Variants in DDX19A observed in about 807,000 individuals in gnomAD.
DDX19A encodes ATP-dependent RNA helicase DDX19A.
A neutral mutation model predicts 60.6 loss-of-function variants in DDX19A; 12 were observed. That is an observed-to-expected ratio of 0.20 (90% CI 0.13 to 0.32). The LOEUF is 0.32. Ranked by LOEUF, DDX19A falls within the 10% of genes least tolerant of loss-of-function variation. The pLI is 1.00. For synonymous variants in DDX19A, 206 were observed against 218.2 expected (o/e 0.94, Z 0.49); for missense variants, 337 against 600.6 (o/e 0.56, Z 4.59).
intron 2 of DDX19A, among the ~76,000 whole-genome samples, chr16:70,351,679 C>T (rs1964023266): frequency 6.6e-6 from 1 of 151,784 alleles, no homozygotes; most frequent in Admixed American, 6.6e-5. Flanking sequence ...CGCCCGCCAC[C>T]ATGCCCAGCT....
chr16:70,352,810 G>T (rs939074670), intron 2 of DDX19A, among the ~76,000 whole-genome samples: 9 of 151,076 alleles, frequency 6.0e-5, no homozygotes, highest in African/African-American at 1.5e-4. Flanking sequence ...CTAATTTTGT[G>T]TTTTTTTAGT....
chr16:70,369,601 C>CT (rs895324026), intron 9 of DDX19A, among the ~76,000 whole-genome samples: 18 of 142,518 alleles, frequency 1.3e-4, no homozygotes, highest in South Asian at 4.6e-4. Flanking sequence ...TATAAATTTT[C>CT]TTTTTTTTTT....
intron 5 of DDX19A, among the ~76,000 whole-genome samples, chr16:70,362,609 A>G (rs1964399733): frequency 6.6e-6 from 1 of 152,034 alleles, no homozygotes; most frequent in South Asian, 2.1e-4. Context: ...ACAGGGTCTC[A>G]TTCTGTTTCC....
intron 3 of DDX19A, 196 bp downstream of exon 3, chr16:70,355,731 G>T: frequency 3.3e-6 from 2 of 601,964 alleles, no homozygotes; most frequent in South Asian, 4.0e-5. Context: ...GGAGGCCGAG[G>T]TGGGAGGATT....
chr16:70,352,387 C>T (rs1964043759), intron 2 of DDX19A, among the ~76,000 whole-genome samples: 2 of 150,732 alleles, frequency 1.3e-5, no homozygotes, highest in South Asian at 4.2e-4. Flanking sequence ...CGGGTTCAAG[C>T]GATTCTCCTG....
intron 2 of DDX19A, among the ~76,000 whole-genome samples, chr16:70,353,226 T>G (rs1165791286): frequency 7.2e-5 from 11 of 151,882 alleles, no homozygotes. Flanking sequence ...GCAATTCTTC[T>G]GTCTCTGCAT....
At chr16:70,370,179 T>C (rs149127218) in intron 9 of DDX19A, 44 bp from the exon 10 acceptor site, 7 of 1,587,224 alleles carry the variant, frequency 4.4e-6, no homozygotes, top group African/African-American at 4.1e-5. Context: ...AGAAAAAATA[T>C]ATACTCAAAT....
chr16:70,348,912 C>A (rs1963932562), intron 1 of DDX19A, among the ~76,000 whole-genome samples: 1 of 152,032 alleles, frequency 6.6e-6, no homozygotes, highest in Non-Finnish European at 1.5e-5. Context: ...CACCACTGCA[C>A]TCCAGCATGG....
At chr16:70,359,281 G>A (rs1057379551) in intron 4 of DDX19A, among the ~76,000 whole-genome samples, 1 of 152,178 alleles carries the variant, frequency 6.6e-6, no homozygotes, top group African/African-American at 2.4e-5. Flanking sequence ...CAAGTCAGAA[G>A]CTGCCGAGTG....
intron 9 of DDX19A, among the ~76,000 whole-genome samples, chr16:70,367,570 C>G (rs976707072): frequency 2.0e-5 from 3 of 151,352 alleles, no homozygotes; most frequent in Admixed American, 6.6e-5. Flanking sequence ...AAGAAAATGT[C>G]AAAATGATTT....
chr16:70,356,745 C>T (rs1567651579), intron 4 of DDX19A: 2 of 419,924 alleles, frequency 4.8e-6, no homozygotes, highest in Non-Finnish European at 7.6e-6. Context: ...ATTAATCTCC[C>T]ACCCTTGTGT....
At chr16:70,371,273 C>G (rs983688894) in intron 10 of DDX19A, 99 bp from the exon 11 acceptor site, 10 of 1,607,054 alleles carry the variant, frequency 6.2e-6, no homozygotes, top group Non-Finnish European at 8.5e-6. Context: ...AATTCTTTCC[C>G]TCTATCCCAA....
chr16:70,362,422 A>C (rs1263621777), intron 5 of DDX19A, among the ~76,000 whole-genome samples: 1 of 148,064 alleles, frequency 6.8e-6, no homozygotes, highest in Non-Finnish European at 1.5e-5. Context: ...AAAAACAAAC[A>C]AAATATTATT....
At chr16:70,370,441 T>C in intron 10 of DDX19A, 56 bp downstream of exon 10, 1 of 1,579,192 alleles carries the variant, frequency 6.3e-7, no homozygotes, top group Non-Finnish European at 8.6e-7. Context: ...CAGGCCCAAT[T>C]AGAGCCAGAA....
In DDX19A at chr16:70,361,457, C is replaced by T. The variant is rs778370387; in HGVS notation, c.333C>T (p.Phe111=). ...QLLQGVYAMG[F]NRPSKIQENA... is the part of the protein sequence containing the mutation. ...TCCAGGGAGTCTATGCCATGGGCTT[C>T]AATCGACCCTCCAAGATACAAGAGA... The change falls in exon 5 of 12, where the codon TTC becomes TTT. Residue 111 remains phenylalanine (F), a synonymous_variant. Transcript: ENST00000302243. The T allele has an allele frequency of 3.7e-6, 6 of 1,613,842 alleles. No individual in the cohort carries two copies. In the African/African-American group the frequency reaches 6.7e-5, roughly 18 times the overall value.
At chr16:70,371,152 G>A (rs944797316) in intron 10 of DDX19A, 26 of 747,944 alleles carry the variant, frequency 3.5e-5, no homozygotes, top group African/African-American at 2.8e-4. Context: ...GAGGATTACC[G>A]ACTGATCTCA....
At chr16:70,361,654 C>G in intron 5 of DDX19A, 144 bp downstream of exon 5, 1 of 609,784 alleles carries the variant, frequency 1.6e-6, no homozygotes, top group Non-Finnish European at 2.9e-6. Flanking sequence ...CAGAGAGAAT[C>G]GGATGGAGTT....
At chr16:70,356,336 C>A in intron 4 of DDX19A, 89 bp downstream of exon 4, 1 of 1,548,004 alleles carries the variant, frequency 6.5e-7, no homozygotes, top group Non-Finnish European at 8.7e-7. Flanking sequence ...GAGAATTTTA[C>A]TTTTAAAAAT....
chr16:70,346,917 G>C lies in DDX19A; in HGVS notation c.-75G>C, dbSNP rs1567646727. On this transcript the variant is annotated 5_prime_UTR_variant, in exon 1 of 12. Transcript: ENST00000302243. Reference sequence around the variant, plus strand: ...CCGCGTGAGGTGCATTCTCGCGCCGGTGGCGAGGTTAGGGCCCGCGTTGCG... The same window carrying C: ...CCGCGTGAGGTGCATTCTCGCGCCGCTGGCGAGGTTAGGGCCCGCGTTGCG... 2 of 1,472,078 alleles carry C rather than the reference G, an allele frequency of 1.4e-6. No individual in the cohort carries two copies. Among genetic ancestry groups the C allele is most frequent in the Non-Finnish European group, 1.9e-6 (2 of 1,075,548 alleles). The allele number at this position is 1,472,078 out of a possible 1,614,324, so 91.2% of individuals were successfully genotyped here. A position where few individuals can be genotyped will look rare whatever the true frequency, so the allele number is the denominator to read the frequency against.
Sources: allele counts gnomAD v4.1 joint callset (sites outside exome capture counted in the v4.1 genomes callset), GRCh38; gene constraint gnomAD v4.1.1; transcripts MANE v1.5; gene names NCBI Gene and HGNC (gene_info 2026-07-23, HGNC 2026-07-21).